The following SERINC5 variants were observed in gnomAD, a reference collection of about 807,000 sequenced individuals.
SERINC5 encodes chromosome 5 open reading frame 12.
SERINC5 carries 41 observed loss-of-function variants against 63.1 expected under a neutral mutation model. The observed-to-expected ratio is 0.65, with a 90% CI of 0.51 to 0.84. SERINC5 has a LOEUF of 0.84. Among genes scored for constraint, SERINC5 ranks in the 40% least tolerant of loss-of-function variants. SERINC5 has a pLI of 0.00. For missense variants in SERINC5, 523 were observed against 573.0 expected (o/e 0.91, Z 0.89); for synonymous variants, 222 against 215.2 (o/e 1.03, Z -0.28).
At chr5:80,160,920 A>G (rs540120611) in intron 7 of SERINC5, among the ~76,000 whole-genome samples, 57 of 148,984 alleles carry the variant, frequency 3.8e-4, no homozygotes, top group Admixed American at 8.8e-4. Context: ...AGATATATAT[A>G]TGTGTGTGTG....
At chr5:80,118,311 G>A (rs1744410920) in intron 11 of SERINC5, among the ~76,000 whole-genome samples, 1 of 152,136 alleles carries the variant, frequency 6.6e-6, no homozygotes, top group Admixed American at 6.6e-5. Context: ...CTGGAAATTA[G>A]GATGTAGACG....
intron 1 of SERINC5, among the ~76,000 whole-genome samples, chr5:80,211,136 G>A (rs1272015909): frequency 1.3e-5 from 2 of 152,310 alleles, no homozygotes; most frequent in African/African-American, 4.8e-5. Flanking sequence ...CCAGAGCAAG[G>A]AGGAGAGAAA....
intron 1 of SERINC5, among the ~76,000 whole-genome samples, chr5:80,222,569 A>AGT (rs1014120974): frequency 0.012 from 1,640 of 132,180 alleles, 23 homozygotes; most frequent in African/African-American, 0.036. Flanking sequence ...TGAGTGTGTG[A>AGT]GTGTGTGTGT....
At chr5:80,183,407 G>C (rs1199572785) in intron 2 of SERINC5, among the ~76,000 whole-genome samples, 1 of 152,100 alleles carries the variant, frequency 6.6e-6, no homozygotes, top group African/African-American at 2.4e-5. Flanking sequence ...GTCTGGTCTG[G>C]AAATTGCTTT....
chr5:80,218,250 G>C (rs540091301), intron 1 of SERINC5, among the ~76,000 whole-genome samples: 1 of 152,162 alleles, frequency 6.6e-6, no homozygotes, highest in Non-Finnish European at 1.5e-5. Context: ...CCACAAAACC[G>C]GTGTTCCTGG....
intron 10 of SERINC5, among the ~76,000 whole-genome samples, 151 bp from the exon 11 acceptor site, chr5:80,146,385 G>T (rs929295656): frequency 5.3e-5 from 8 of 152,224 alleles, no homozygotes; most frequent in African/African-American, 1.9e-4. Context: ...TGTGCCCTAA[G>T]CACAAAACCC....
chr5:80,143,518 A>C lies in SERINC5; in HGVS notation c.*145T>G, dbSNP rs940139957. On this transcript the variant is annotated 3_prime_UTR_variant, in exon 12 of 12. Coordinates refer to ENST00000507668, the MANE Select transcript of SERINC5 (RefSeq NM_001174072.3). ...TTTTGAATTTCAAAAGTAAAAAGCTAATCAGGAGATTTTTTTTTTTCTCTC... is the reference window on the plus strand; with the variant it reads ...TTTTGAATTTCAAAAGTAAAAAGCTCATCAGGAGATTTTTTTTTTTCTCTC... 7.3e-7 allele frequency: 1 copy of C among 1,374,610 alleles called. No homozygotes were observed. The highest frequency in any genetic ancestry group is 9.4e-7 in the Non-Finnish European group (1 of 1,067,206). 85.2% of individuals were successfully genotyped at this position (1,374,610 alleles called of 1,614,324 possible).
intron 1 of SERINC5, among the ~76,000 whole-genome samples, chr5:80,208,674 G>A (rs554457653): frequency 2.0e-5 from 3 of 152,250 alleles, no homozygotes; most frequent in South Asian, 4.1e-4. Context: ...ACACGCAAAA[G>A]GGAGTCCAAC....
At chr5:80,247,050 C>T (rs1752199372) in intron 1 of SERINC5, among the ~76,000 whole-genome samples, 1 of 152,178 alleles carries the variant, frequency 6.6e-6, no homozygotes, top group East Asian at 1.9e-4. Flanking sequence ...AACACTGGGT[C>T]TTTACAATTA....
At position 80,140,828 on chromosome 5, in the gene SERINC5, A is replaced by T. The variant is rs1649969704; in HGVS notation, c.*2835T>A. 1.0e-6 allele frequency: 1 copy of T among 985,288 alleles called. No individual in the cohort carries two copies. The highest frequency in any genetic ancestry group is 1.7e-5 in the African/African-American group (1 of 57,246). 61.0% of individuals were successfully genotyped at this position (985,288 alleles called of 1,614,324 possible). On this transcript the variant is annotated 3_prime_UTR_variant, in exon 12 of 12. Transcript: ENST00000507668. Reference sequence around the variant, plus strand: ...GAGGAAATATTCACATGCAGCTTTAAAAAAGTCCTCTTCAACTGTCATCCC... The same window carrying T: ...GAGGAAATATTCACATGCAGCTTTATAAAAGTCCTCTTCAACTGTCATCCC...
At chr5:80,116,276 CA>C in intron 11 of SERINC5, 1 of 455,208 alleles carries the variant, frequency 2.2e-6, no homozygotes, top group Non-Finnish European at 4.4e-6. Context: ...TCCCCTCTTG[CA>C]AAAAGGGTAT....
chr5:80,140,371 A>G lies in SERINC5; in HGVS notation c.*3292T>C. The G allele has an allele frequency of 1.0e-6, 1 of 983,800 alleles. No individual in the cohort carries two copies. 60.9% of individuals were successfully genotyped at this position (983,800 alleles called of 1,614,324 possible). A position where few individuals can be genotyped will look rare whatever the true frequency, so the allele number is the denominator to read the frequency against. On this transcript the variant is annotated 3_prime_UTR_variant, in exon 12 of 12. Coordinates refer to ENST00000507668, the MANE Select transcript of SERINC5 (RefSeq NM_001174072.3). Reference sequence around the variant, plus strand: ...AATTTTGACATGGGGACAGGAAATTAACATTACACTGAGGTTATTCATAAT... The same window carrying G: ...AATTTTGACATGGGGACAGGAAATTGACATTACACTGAGGTTATTCATAAT...
chr5:80,177,802 G>A (rs926859922), intron 3 of SERINC5, 84 bp downstream of exon 3: 11 of 1,047,034 alleles, frequency 1.1e-5, no homozygotes, highest in Admixed American at 9.0e-5. Context: ...CAGTCACAGT[G>A]TCTGGTGGGC....
At chr5:80,228,260 AAGGAAAGGAGGG>A (rs1751258551) in intron 1 of SERINC5, among the ~76,000 whole-genome samples, 1 of 87,866 alleles carries the variant, frequency 1.1e-5, no homozygotes, top group South Asian at 5.7e-4. Flanking sequence ...GGAGGGAGGG[AAGGAAAGGAGGG>A]AGGGAGGGAG....
chr5:80,136,936 G>T (rs1580042865), downstream of SERINC5, among the ~76,000 whole-genome samples: 1 of 151,932 alleles, frequency 6.6e-6, no homozygotes, highest in East Asian at 1.9e-4. Context: ...AGGAGTTCCA[G>T]ACGAGCCTGG....
At chr5:80,195,530 C>T (rs1487242371) in intron 2 of SERINC5, among the ~76,000 whole-genome samples, 3 of 152,282 alleles carry the variant, frequency 2.0e-5, no homozygotes, top group African/African-American at 7.2e-5. Flanking sequence ...CTTTAACTCG[C>T]TCCTTTAAGG....
Position 80,243,208 on chromosome 5 carries a change from T to C in SERINC5, c.27+12688A>G, listed in dbSNP as rs555419926. On this transcript the variant is annotated intron_variant, in intron 1 of 11. Coordinates refer to ENST00000507668, the MANE Select transcript of SERINC5 (RefSeq NM_001174072.3). The stretch of plus-strand genomic sequence containing the variant: ...TAGTTCTACAATTATTTTTTAAACA[T>C]ACCTAATTCCCTATAGTAAATCTTC... Among the ~76,000 whole-genome samples the C allele has an allele frequency of 3.9e-5, 6 of 152,310 alleles. No individual in the cohort carries two copies. The South Asian group carries it at 8.3e-4, about 21-fold the overall frequency.
intron 1 of SERINC5, among the ~76,000 whole-genome samples, chr5:80,233,787 T>C (rs533564308): frequency 8.0e-5 from 12 of 149,312 alleles, no homozygotes; most frequent in Non-Finnish European, 1.5e-4. Context: ...AAGTATTTTA[T>C]AGATCTTTCA....
At chr5:80,236,360 C>G (rs969363130) in intron 1 of SERINC5, among the ~76,000 whole-genome samples, 1 of 152,104 alleles carries the variant, frequency 6.6e-6, no homozygotes, top group African/African-American at 2.4e-5. Flanking sequence ...CTCAGGCTTC[C>G]TATCATTAGA....
Sources: allele counts gnomAD v4.1 joint callset (sites outside exome capture counted in the v4.1 genomes callset), GRCh38; gene constraint gnomAD v4.1.1; transcripts MANE v1.5; gene names NCBI Gene and HGNC (gene_info 2026-07-23, HGNC 2026-07-21).